Variants in PTGFR observed in about 807,000 individuals in gnomAD.
PTGFR encodes the protein prostaglandin F2-alpha receptor.
A neutral mutation model predicts 26.2 loss-of-function variants in PTGFR; 15 were observed. That is an observed-to-expected ratio of 0.57 (90% CI 0.38 to 0.88). PTGFR has a LOEUF of 0.88. Among genes scored for constraint, PTGFR ranks in the 40% least tolerant of loss-of-function variants. PTGFR has a pLI of 0.00. For missense variants in PTGFR, 369 were observed against 427.2 expected (o/e 0.86, Z 1.20); for synonymous variants, 165 against 151.1 (o/e 1.09, Z -0.68).
chr1:78,513,349 G>T (rs1650017477), intron 2 of PTGFR, among the ~76,000 whole-genome samples: 1 of 152,176 alleles, frequency 6.6e-6, no homozygotes, highest in South Asian at 2.1e-4. Flanking sequence ...GTTAATGGGA[G>T]CTGGTGTGAA....
intron 2 of PTGFR, among the ~76,000 whole-genome samples, chr1:78,508,517 G>A (rs1649879637): frequency 6.6e-6 from 1 of 152,116 alleles, no homozygotes; most frequent in Non-Finnish European, 1.5e-5. Flanking sequence ...GTACAGCCTA[G>A]GAATGAATGT....
chr1:78,497,681 A>G (rs1649589676), intron 2 of PTGFR, among the ~76,000 whole-genome samples: 1 of 152,194 alleles, frequency 6.6e-6, no homozygotes, highest in Non-Finnish European at 1.5e-5. Context: ...CTTAAGTAGT[A>G]TGAATGTCAA....
intron 2 of PTGFR, among the ~76,000 whole-genome samples, chr1:78,531,402 C>T (rs1166526858): frequency 6.6e-6 from 1 of 152,150 alleles, no homozygotes; most frequent in Non-Finnish European, 1.5e-5. Context: ...CTACTTCCTT[C>T]TCTTCACCTG....
rs767820312 is a variant in PTGFR, at chr1:78,493,448, G to A, written c.705G>A (p.Gln235=). The A allele has an allele frequency of 6.2e-6, 10 of 1,612,466 alleles. No homozygotes were observed. The Admixed American group carries it at 1.5e-4, about 24-fold the overall frequency. Residue 235 remains glutamine (Q), a synonymous_variant, in exon 2 of 3, where the codon CAG becomes CAA. Transcript: ENST00000370757. ...ITLLRVKFKS[Q]QHRQGRSHHL... ...TTTTAAGAGTTAAATTTAAAAGTCA[G>A]CAGCACAGACAAGGCAGATCTCATC... is the stretch of plus-strand genomic sequence containing the variant.
chr1:78,533,252 G>A (rs1650566037), intron 2 of PTGFR, among the ~76,000 whole-genome samples: 1 of 152,190 alleles, frequency 6.6e-6, no homozygotes, highest in Non-Finnish European at 1.5e-5. Flanking sequence ...AATATGTTGA[G>A]TAAATTTTAG....
intron 2 of PTGFR, among the ~76,000 whole-genome samples, chr1:78,495,312 C>T (rs1312085137): frequency 1.3e-5 from 2 of 152,180 alleles, no homozygotes; most frequent in African/African-American, 2.4e-5. Flanking sequence ...ACTGGAGCCA[C>T]TTCATTGTTT....
chr1:78,515,062 A>T (rs1228854070), intron 2 of PTGFR, among the ~76,000 whole-genome samples: 1 of 152,038 alleles, frequency 6.6e-6, no homozygotes, highest in Non-Finnish European at 1.5e-5. Flanking sequence ...TTTTTATAGC[A>T]GTGTAAAAAT....
At chr1:78,501,504 A>G (rs1649704879) in intron 2 of PTGFR, among the ~76,000 whole-genome samples, 1 of 152,166 alleles carries the variant, frequency 6.6e-6, no homozygotes, top group Non-Finnish European at 1.5e-5. Context: ...AATGCCATAG[A>G]AGAGTGAATA....
intron 2 of PTGFR, 68 bp downstream of exon 2, chr1:78,493,609 A>G: frequency 7.0e-7 from 1 of 1,420,318 alleles, no homozygotes; most frequent in Non-Finnish European, 9.4e-7. Context: ...GTTATCTGGA[A>G]GTTCAGTCTT....
At chr1:78,491,658 A>C (rs1570263304) in intron 1 of PTGFR, among the ~76,000 whole-genome samples, 1 of 152,356 alleles carries the variant, frequency 6.6e-6, no homozygotes, top group South Asian at 2.1e-4. Flanking sequence ...TTGCGAGGCC[A>C]GGCCGAAGGG....
chr1:78,536,733 C>A lies in PTGFR; in HGVS notation c.*46C>A. ...GTGTGGGGCTAGAACAAAATTAAGA[C>A]ATGTTTGGCAATATTTCAGTTAGTT... On this transcript the variant is annotated 3_prime_UTR_variant, in exon 3 of 3. Transcript: ENST00000370757. 1.3e-6 allele frequency: 2 copies of A among 1,545,678 alleles called. No homozygotes were observed. Among genetic ancestry groups the A allele is most frequent in the Non-Finnish European group, 1.7e-6 (2 of 1,148,298 alleles).
At chr1:78,497,843 A>C in intron 2 of PTGFR, 3 of 1,405,974 alleles carry the variant, frequency 2.1e-6, no homozygotes, top group Non-Finnish European at 3.0e-6. Flanking sequence ...TTTTACTGGA[A>C]GGCCATATGT....
intron 2 of PTGFR, among the ~76,000 whole-genome samples, chr1:78,510,540 C>T (rs1386858689): frequency 6.6e-6 from 1 of 152,152 alleles, no homozygotes; most frequent in South Asian, 2.1e-4. Flanking sequence ...GAGACCCACT[C>T]CCAGGATGAA....
chr1:78,492,219 A>G (rs927885536), intron 1 of PTGFR, among the ~76,000 whole-genome samples: 3 of 152,228 alleles, frequency 2.0e-5, no homozygotes, highest in African/African-American at 7.2e-5. Flanking sequence ...CCTGACAAGC[A>G]GGTCGTTTAA....
At chr1:78,527,874 T>C (rs1228186270) in intron 2 of PTGFR, among the ~76,000 whole-genome samples, 1 of 152,280 alleles carries the variant, frequency 6.6e-6, no homozygotes, top group East Asian at 1.9e-4. Flanking sequence ...ATATTGAGCA[T>C]GACACTGGGA....
intron 2 of PTGFR, among the ~76,000 whole-genome samples, chr1:78,522,916 A>T (rs762139483): frequency 6.6e-6 from 1 of 152,156 alleles, no homozygotes; most frequent in African/African-American, 2.4e-5. Context: ...GTCAGAAAGT[A>T]CATAGGAATT....
chr1:78,493,258 T>C lies in PTGFR; in HGVS notation c.515T>C (p.Leu172Pro). Residue 172 changes from leucine to proline, a missense_variant, in exon 2 of 3, where the codon CTT (leucine) becomes CCT (proline). By Grantham distance (98) the Leu-to-Pro change is moderately conservative. Transcript: ENST00000370757. ...FAVFIALLPI[L>P]GHRDYKIQAS... Reference sequence around the variant, plus strand: ...GTTTTCATAGCTTTGCTGCCCATCCTTGGACATCGAGACTATAAAATTCAG... The same window carrying C: ...GTTTTCATAGCTTTGCTGCCCATCCCTGGACATCGAGACTATAAAATTCAG... 1 of 1,614,200 alleles carries C rather than the reference T, an allele frequency of 6.2e-7. No homozygotes were observed. The highest frequency in any genetic ancestry group is 2.2e-5 in the East Asian group (1 of 44,894).
intron 2 of PTGFR, among the ~76,000 whole-genome samples, chr1:78,524,741 G>A (rs749758214): frequency 7.9e-5 from 12 of 151,816 alleles, no homozygotes; most frequent in Middle Eastern, 3.4e-3. Flanking sequence ...TCTTGCTTTG[G>A]TTATTTTTTC....
chr1:78,499,435 C>T (rs1649643196), intron 2 of PTGFR, among the ~76,000 whole-genome samples: 1 of 152,218 alleles, frequency 6.6e-6, no homozygotes, highest in East Asian at 1.9e-4. Flanking sequence ...CTGTGTTCAG[C>T]TCCTAGACCA....
Sources: gnomAD v4.1 joint callset for allele counts (sites outside exome capture counted in the v4.1 genomes callset) on GRCh38, gnomAD v4.1.1 for gene constraint, MANE v1.5 for transcripts, NCBI Gene and HGNC (gene_info 2026-07-23, HGNC 2026-07-21) for gene names.